The following TRAF3IP3 variants were observed in gnomAD, a reference collection of about 807,000 sequenced individuals.
TRAF3IP3 encodes the protein TRAF3 interacting protein 3, also known as TRAF3-interacting JNK-activating modulator.
A neutral mutation model predicts 86.5 loss-of-function variants in TRAF3IP3; 64 were observed. That is an observed-to-expected ratio of 0.74 (90% confidence interval 0.60 to 0.91). TRAF3IP3 has a LOEUF of 0.91. Ranked by LOEUF, TRAF3IP3 falls within the 40% of genes least tolerant of loss-of-function variation. The pLI is 0.00. For synonymous variants in TRAF3IP3, 220 were observed against 243.9 expected, an observed-to-expected ratio of 0.90 and a Z score of 0.91; for missense variants, 579 against 642.9, an observed-to-expected ratio of 0.90 and a Z score of 1.07.
At chr1:209,772,102 T>TG (rs1164039418) in intron 8 of TRAF3IP3, among the ~76,000 whole-genome samples, 1 of 151,944 alleles carries the variant, frequency 6.6e-6, no homozygotes, top group East Asian at 1.9e-4. Flanking sequence ...GAGGTGTGTG[T>TG]GGCAGGGAGG....
At chr1:209,772,531 G>T (rs2077567735) in intron 8 of TRAF3IP3, among the ~76,000 whole-genome samples, 2 of 152,186 alleles carry the variant, frequency 1.3e-5, no homozygotes, top group Non-Finnish European at 2.9e-5. Flanking sequence ...CCCGGGAGGG[G>T]AGACTGCGTT....
At chr1:209,761,517 G>A (rs2077244330) in intron 3 of TRAF3IP3, among the ~76,000 whole-genome samples, 1 of 152,138 alleles carries the variant, frequency 6.6e-6, no homozygotes, top group South Asian at 2.1e-4. Context: ...CTTAACTAGT[G>A]GATCTGTTAT....
intron 8 of TRAF3IP3, among the ~76,000 whole-genome samples, chr1:209,769,986 G>T (rs896246017): frequency 6.6e-6 from 1 of 152,130 alleles, no homozygotes; most frequent in African/African-American, 2.4e-5. Context: ...ACCCCTACCT[G>T]GGCAAAAGGG....
intron 8 of TRAF3IP3, among the ~76,000 whole-genome samples, chr1:209,767,681 A>T (rs2077383585): frequency 6.6e-6 from 1 of 151,928 alleles, no homozygotes; most frequent in Admixed American, 6.5e-5. Flanking sequence ...TCTTGAAAAA[A>T]AAAAAAGAGG....
At chr1:209,771,428 G>GGTAC (rs2077517053) in intron 8 of TRAF3IP3, among the ~76,000 whole-genome samples, 2 of 106,776 alleles carry the variant, frequency 1.9e-5, no homozygotes, top group African/African-American at 4.3e-5. Context: ...TGCAGGTGGA[G>GGTAC]GTGTGTGCAT....
At chr1:209,775,010 G>C (rs1213298804) in intron 9 of TRAF3IP3, among the ~76,000 whole-genome samples, 3 of 152,118 alleles carry the variant, frequency 2.0e-5, no homozygotes, top group African/African-American at 7.2e-5. Flanking sequence ...GGAAAAGCCT[G>C]GATGGATGAT....
intron 11 of TRAF3IP3, 161 bp downstream of exon 11, chr1:209,775,897 T>C: frequency 1.5e-6 from 1 of 650,764 alleles, no homozygotes; most frequent in Middle Eastern, 4.2e-4. Context: ...GTTTTGGCTC[T>C]GAAATCTAAT....
At chr1:209,780,628 G>A (rs753307724) in intron 15 of TRAF3IP3, 22 bp downstream of exon 15, 1 of 1,526,870 alleles carries the variant, frequency 6.5e-7, no homozygotes, top group Non-Finnish European at 8.8e-7. Context: ...ACCTGAGATA[G>A]TGAGGGCTCA....
rs1275641516 is a variant in TRAF3IP3, at chr1:209,756,109, T to C, written c.-360T>C. The C allele has an allele frequency of 6.6e-6, 1 of 152,430 alleles. No individual in the cohort carries two copies. The highest frequency in any genetic ancestry group is 1.5e-5 in the Non-Finnish European group (1 of 68,238). 9.4% of individuals were successfully genotyped at this position (152,430 alleles called of 1,614,324 possible). ...GGGGTTTGCGAACCTTGTGGCTTTGTCTGTTTCCTGTTTCAGCAAGGCTGC... is the reference window on the plus strand; with the variant it reads ...GGGGTTTGCGAACCTTGTGGCTTTGCCTGTTTCCTGTTTCAGCAAGGCTGC... On this transcript the variant is annotated 5_prime_UTR_variant, in exon 1 of 17. Coordinates refer to ENST00000367025, the MANE Select transcript of TRAF3IP3 (RefSeq NM_025228.4).
At chr1:209,766,131 A>T (rs999999943) in intron 8 of TRAF3IP3, among the ~76,000 whole-genome samples, 1 of 152,196 alleles carries the variant, frequency 6.6e-6, no homozygotes, top group Non-Finnish European at 1.5e-5. Flanking sequence ...CAAAACTGAG[A>T]AGTTGCAGTG....
intron 5 of TRAF3IP3, 75 bp from the exon 6 acceptor site, chr1:209,762,993 G>A (rs778158300): frequency 1.9e-6 from 3 of 1,594,928 alleles, no homozygotes; most frequent in Non-Finnish European, 2.6e-6. Flanking sequence ...TGGCTCTTCA[G>A]AAGGAATCAA....
At chr1:209,771,150 G>A (rs1464933023) in intron 8 of TRAF3IP3, among the ~76,000 whole-genome samples, 3 of 146,072 alleles carry the variant, frequency 2.1e-5, no homozygotes, top group Admixed American at 1.4e-4. Context: ...GTGTGTGCAT[G>A]TGAAGGTTGT....
intron 8 of TRAF3IP3, among the ~76,000 whole-genome samples, chr1:209,765,139 C>T (rs1437097156): frequency 1.4e-5 from 2 of 146,590 alleles, no homozygotes; most frequent in African/African-American, 5.0e-5. Context: ...AGTGCCACTA[C>T]ACTCCAGCCT....
chr1:209,766,824 A>G (rs2077365796), intron 8 of TRAF3IP3, among the ~76,000 whole-genome samples: 1 of 152,264 alleles, frequency 6.6e-6, no homozygotes, highest in South Asian at 2.1e-4. Context: ...AGATTGTGCC[A>G]CTGCACTCCA....
intron 1 of TRAF3IP3, among the ~76,000 whole-genome samples, chr1:209,756,633 G>A (rs1030373971): frequency 6.6e-6 from 1 of 152,200 alleles, no homozygotes; most frequent in African/African-American, 2.4e-5. Flanking sequence ...CTTCAAAGCA[G>A]GGATCCCTGA....
intron 1 of TRAF3IP3, among the ~76,000 whole-genome samples, chr1:209,758,160 C>A (rs1474956786): frequency 6.6e-6 from 1 of 152,190 alleles, no homozygotes; most frequent in African/African-American, 2.4e-5. Flanking sequence ...GTCTCTCAGA[C>A]CCTTTCTTTT....
chr1:209,761,768 A>G (rs564858903), intron 3 of TRAF3IP3, among the ~76,000 whole-genome samples: 3 of 152,382 alleles, frequency 2.0e-5, no homozygotes, highest in Admixed American at 6.5e-5. Context: ...TGAGACCTAG[A>G]AAAGATGGGA....
Position 209,777,383 on chromosome 1 carries a change from A to T in TRAF3IP3, c.1085A>T (p.Gln362Leu). ...GADSRDLQMN[Q>L]ALRFLENEHQ... ...GATAGCAGGGACTTACAGATGAACC[A>T]GGCCCTGCGATTTTTGGAAAATGAG... Residue 362 changes from glutamine to leucine, a missense_variant, in exon 12 of 17, where the codon CAG (glutamine) becomes CTG (leucine). Coordinates refer to ENST00000367025, the MANE Select transcript of TRAF3IP3 (RefSeq NM_025228.4). 6.2e-7 allele frequency: 1 copy of T among 1,613,870 alleles called. No individual in the cohort carries two copies. Among genetic ancestry groups the T allele is most frequent in the Non-Finnish European group, 8.5e-7 (1 of 1,179,954 alleles).
chr1:209,779,318 T>G lies in TRAF3IP3; in HGVS notation c.1256T>G (p.Leu419Trp), dbSNP rs1422760938. 9 of 1,614,182 alleles carry G rather than the reference T, an allele frequency of 5.6e-6. No homozygotes were observed. The highest frequency in any genetic ancestry group is 7.6e-6 in the Non-Finnish European group (9 of 1,179,986). ...LVTRVQQLQG[L>W]LQNQSLQLQE... ...AGTTCCTTGTGTTTTCCAACAGGTT[T>G]GCTTCAAAATCAATCCTTACAGCTT... The change falls in exon 14 of 17, where the codon TTG (leucine) becomes TGG (tryptophan). Residue 419 changes from leucine to tryptophan, a missense_variant. Coordinates refer to ENST00000367025, the MANE Select transcript of TRAF3IP3 (RefSeq NM_025228.4).
Sources: allele counts gnomAD v4.1 joint callset (sites outside exome capture counted in the v4.1 genomes callset), GRCh38; gene constraint gnomAD v4.1.1; transcripts MANE v1.5; gene names NCBI Gene and HGNC (gene_info 2026-07-23, HGNC 2026-07-21).